DLG2: variants seen among roughly 807,000 people sequenced by gnomAD.
DLG2 encodes the protein disks large homolog 2.
DLG2 carries 45 observed loss-of-function variants against 132.5 expected under a neutral mutation model. The ratio of observed to expected loss-of-function variants is 0.34; its 90% CI spans 0.27 to 0.44. DLG2 has a LOEUF of 0.44. Ranked by LOEUF, DLG2 falls within the 20% of genes least tolerant of loss-of-function variation. DLG2 has a pLI of 1.00. For synonymous variants in DLG2, 424 were observed against 419.6 expected (o/e 1.01, Z -0.13); for missense variants, 1,045 against 1,196.9 (o/e 0.87, Z 1.87).
At chr11:85,518,180 G>A (rs920223899) in intron 3 of DLG2, among the ~76,000 whole-genome samples, 4 of 152,232 alleles carry the variant, frequency 2.6e-5, no homozygotes, top group African/African-American at 7.2e-5. Flanking sequence ...ATGTGGAAGT[G>A]ACTTTGGAAC....
intron 6 of DLG2, among the ~76,000 whole-genome samples, chr11:85,033,055 A>G (rs1306817580): frequency 6.6e-6 from 1 of 152,218 alleles, no homozygotes; most frequent in Non-Finnish European, 1.5e-5. Context: ...AAAGCCAACA[A>G]AATGAATGAA....
intron 4 of DLG2, among the ~76,000 whole-genome samples, chr11:85,272,627 C>G (rs752746621): frequency 6.6e-6 from 1 of 152,136 alleles, no homozygotes; most frequent in African/African-American, 2.4e-5. Flanking sequence ...AATGGAAGAA[C>G]ATTCCATGCT....
intron 18 of DLG2, among the ~76,000 whole-genome samples, chr11:83,678,479 C>T (rs763289327): frequency 8.5e-5 from 13 of 152,150 alleles, no homozygotes; most frequent in Non-Finnish European, 1.6e-4. Context: ...GTGGACATCT[C>T]AGCTCATGAG....
At chr11:85,026,058 G>A (rs904984765) in intron 6 of DLG2, among the ~76,000 whole-genome samples, 23 of 151,956 alleles carry the variant, frequency 1.5e-4, no homozygotes, top group African/African-American at 5.6e-4. Flanking sequence ...ACTTGATGGT[G>A]CAGAAGATCT....
chr11:83,946,057 A>C (rs1269541498), intron 14 of DLG2, among the ~76,000 whole-genome samples: 5 of 146,778 alleles, frequency 3.4e-5, no homozygotes, highest in African/African-American at 1.3e-4. Context: ...TGGCACAATC[A>C]AGGCTCACCG....
chr11:83,665,058 T>C (rs548524578), intron 18 of DLG2, among the ~76,000 whole-genome samples: 2 of 152,266 alleles, frequency 1.3e-5, no homozygotes, highest in South Asian at 4.2e-4. Flanking sequence ...AATATTAAAG[T>C]ATTGTTAGGG....
chr11:85,133,838 C>G (rs989941379), intron 5 of DLG2, among the ~76,000 whole-genome samples: 1 of 152,188 alleles, frequency 6.6e-6, no homozygotes, highest in Admixed American at 6.5e-5. Context: ...TCCCCTCCCC[C>G]AAATCCCTCC....
At chr11:84,180,322 CAG>C (rs796988907) in intron 8 of DLG2, among the ~76,000 whole-genome samples, 5 of 151,828 alleles carry the variant, frequency 3.3e-5, no homozygotes, top group Admixed American at 1.3e-4. Flanking sequence ...AATTGAAAAA[CAG>C]AGAAAAAAAG....
intron 17 of DLG2, chr11:83,791,352 C>A: frequency 1.5e-6 from 1 of 674,346 alleles, no homozygotes; most frequent in Admixed American, 2.4e-5. Flanking sequence ...ACGTATCCAT[C>A]AAGCTTTTGC....
intron 3 of DLG2, among the ~76,000 whole-genome samples, chr11:85,432,139 A>T (rs2091226753): frequency 6.6e-6 from 1 of 152,238 alleles, no homozygotes; most frequent in Non-Finnish European, 1.5e-5. Flanking sequence ...AGCATCAATG[A>T]TAAAAGTCCC....
At chr11:83,659,246 T>C (rs1191887464) in intron 18 of DLG2, among the ~76,000 whole-genome samples, 4 of 152,240 alleles carry the variant, frequency 2.6e-5, no homozygotes, top group Non-Finnish European at 5.9e-5. Context: ...TGTTATCCCA[T>C]TTTACAGATG....
At chr11:85,324,263 T>C (rs752563701) in intron 3 of DLG2, among the ~76,000 whole-genome samples, 11 of 152,108 alleles carry the variant, frequency 7.2e-5, no homozygotes, top group Non-Finnish European at 1.6e-4. Flanking sequence ...GGTGGAGTGA[T>C]GCCAGGATAT....
chr11:84,077,353 A>G (rs560650099), intron 10 of DLG2, among the ~76,000 whole-genome samples: 1 of 152,308 alleles, frequency 6.6e-6, no homozygotes, highest in African/African-American at 2.4e-5. Context: ...AAATCTAATG[A>G]GATCTCGTTA....
chr11:83,702,007 T>C (rs2083034655), intron 18 of DLG2, among the ~76,000 whole-genome samples: 2 of 152,244 alleles, frequency 1.3e-5, no homozygotes, highest in South Asian at 2.1e-4. Flanking sequence ...ATTATTATAG[T>C]AGAAAGATAA....
intron 9 of DLG2, among the ~76,000 whole-genome samples, chr11:84,104,851 A>G (rs1280512458): frequency 6.6e-6 from 1 of 152,126 alleles, no homozygotes; most frequent in Non-Finnish European, 1.5e-5. Context: ...TTGCATGCTT[A>G]TTCTATGCTA....
intron 3 of DLG2, among the ~76,000 whole-genome samples, chr11:85,543,238 T>C (rs1401586234): frequency 6.6e-6 from 1 of 152,200 alleles, no homozygotes; most frequent in Non-Finnish European, 1.5e-5. Flanking sequence ...CATGCAATGT[T>C]TGGTTTTCTG....
At chr11:84,538,651 C>T (rs1160275746) in intron 6 of DLG2, among the ~76,000 whole-genome samples, 2 of 151,702 alleles carry the variant, frequency 1.3e-5, no homozygotes, top group African/African-American at 2.4e-5. Context: ...CATGAAATCT[C>T]ATCTTAGGTC....
At chr11:84,334,148 A>G (rs1251048692) in intron 7 of DLG2, among the ~76,000 whole-genome samples, 1 of 152,200 alleles carries the variant, frequency 6.6e-6, no homozygotes, top group African/African-American at 2.4e-5. Context: ...ATTCTCAAAA[A>G]CCTTCTTTTA....
intron 2 of DLG2, among the ~76,000 whole-genome samples, chr11:85,607,623 C>T (rs1331856301): frequency 1.3e-5 from 2 of 152,172 alleles, no homozygotes; most frequent in African/African-American, 4.8e-5. Flanking sequence ...TCTTTTGGCA[C>T]CTGGGCTCAC....
Sources: gnomAD v4.1 joint callset for allele counts (sites outside exome capture counted in the v4.1 genomes callset) on GRCh38, gnomAD v4.1.1 for gene constraint, MANE v1.5 for transcripts, NCBI Gene and HGNC (gene_info 2026-07-23, HGNC 2026-07-21) for gene names.